Variants in TMTC2 observed in about 807,000 individuals in gnomAD.
The protein encoded by TMTC2 is transmembrane O-mannosyltransferase targeting cadherins 2.
A neutral mutation model predicts 82.4 loss-of-function variants in TMTC2; 43 were observed. The observed-to-expected ratio is 0.52, with a 90% CI of 0.41 to 0.67. TMTC2 has a LOEUF of 0.67. Ranked by LOEUF, TMTC2 falls within the 30% of genes least tolerant of loss-of-function variation. The probability of loss-of-function intolerance (pLI) is 0.00; values close to 1 mark genes in which losing one functional copy is unlikely to be tolerated. For synonymous variants in TMTC2, 408 were observed against 381.9 expected (o/e 1.07, Z -0.80); for missense variants, 919 against 1,012.4 (o/e 0.91, Z 1.25).
At chr12:82,966,199 CTCTTAAT>C (rs1878200295) in intron 6 of TMTC2, among the ~76,000 whole-genome samples, 1 of 152,062 alleles carries the variant, frequency 6.6e-6, no homozygotes, top group Non-Finnish European at 1.5e-5. Flanking sequence ...CCACCCATTT[CTCTTAAT>C]TCTTTAAAAA....
At chr12:83,107,979 G>T (rs1008737152) in intron 11 of TMTC2, among the ~76,000 whole-genome samples, 3 of 152,030 alleles carry the variant, frequency 2.0e-5, no homozygotes, top group African/African-American at 7.3e-5. Context: ...CAGGAAATAT[G>T]GTTGTTTAAA....
At chr12:82,793,289 C>T (rs1382333028) in intron 1 of TMTC2, among the ~76,000 whole-genome samples, 2 of 151,316 alleles carry the variant, frequency 1.3e-5, no homozygotes, top group Non-Finnish European at 2.9e-5. Context: ...TAATACTTTT[C>T]GTCGTGCTTT....
In TMTC2 at chr12:83,071,159, TTG is replaced by T. The variant is rs1161002753; in HGVS notation, c.2331+9330_2331+9331del. Among the ~76,000 whole-genome samples, 1,158 of 116,856 alleles carry T rather than the reference TTG, an allele frequency of 9.9e-3. 16 individuals are homozygous for T. The highest frequency in any genetic ancestry group is 0.038 in the African/African-American group (1,086 of 28,652). 76.7% of individuals were successfully genotyped at this position (116,856 alleles called of 152,430 possible). A position where few individuals can be genotyped will look rare whatever the true frequency, so the allele number is the denominator to read the frequency against. On this transcript the variant is annotated intron_variant, in intron 11 of 11. Coordinates refer to ENST00000321196, the MANE Select transcript of TMTC2 (RefSeq NM_152588.3). ...TATTGGTCTGTAGTTGTTTTTTTTT[TTG>T]TTTTTTTTTTTGAGACGGAGTCTCG...
intron 1 of TMTC2, among the ~76,000 whole-genome samples, chr12:82,818,966 G>A (rs1247407645): frequency 1.3e-5 from 2 of 151,730 alleles, no homozygotes; most frequent in Non-Finnish European, 2.9e-5. Flanking sequence ...TTAAATTTTG[G>A]TGTGAAAAGA....
chr12:82,776,777 A>G (rs1312310729), intron 1 of TMTC2, among the ~76,000 whole-genome samples: 1 of 152,092 alleles, frequency 6.6e-6, no homozygotes, highest in Non-Finnish European at 1.5e-5. Context: ...GTCTCAAAAC[A>G]AAAACATTAC....
rs938057938 is a variant in TMTC2, at chr12:82,791,697, T to G, written c.84-65313T>G. Among the ~76,000 whole-genome samples the G allele has an allele frequency of 2.2e-4, 34 of 152,120 alleles. 1 individual carries two copies. The highest frequency in any genetic ancestry group is 1.3e-4 in the Admixed American group (2 of 15,262). On this transcript the variant is annotated intron_variant, in intron 1 of 11. Coordinates refer to ENST00000321196, the MANE Select transcript of TMTC2 (RefSeq NM_152588.3). ...GTCACTGAACCAGCAGCATCAACAT[T>G]GTTGGTAAATGTTTAGTAATGTAAA...
chr12:83,027,026 A>G (rs1881213015), intron 8 of TMTC2, among the ~76,000 whole-genome samples: 1 of 152,142 alleles, frequency 6.6e-6, no homozygotes, highest in Admixed American at 6.6e-5. Context: ...CCTAATTGGG[A>G]TGGTGGTTTT....
chr12:82,989,280 G>C (rs1019417461), intron 8 of TMTC2, among the ~76,000 whole-genome samples: 1 of 151,970 alleles, frequency 6.6e-6, no homozygotes, highest in African/African-American at 2.4e-5. Context: ...GGTCCAAATG[G>C]CAGAGAAAGA....
intron 1 of TMTC2, among the ~76,000 whole-genome samples, chr12:82,819,609 C>T (rs1030070395): frequency 6.7e-6 from 1 of 148,860 alleles, no homozygotes; most frequent in African/African-American, 2.5e-5. Context: ...CCAAGCGATT[C>T]TCCTGCCTCA....
At chr12:82,724,502 G>A (rs912853050) in intron 1 of TMTC2, among the ~76,000 whole-genome samples, 6 of 152,110 alleles carry the variant, frequency 3.9e-5, no homozygotes, top group African/African-American at 1.2e-4. Flanking sequence ...GTTCCCCTGC[G>A]CTCTCTCTCT....
chr12:82,920,009 A>G (rs1359204869), intron 3 of TMTC2, among the ~76,000 whole-genome samples: 2 of 152,160 alleles, frequency 1.3e-5, no homozygotes, highest in Non-Finnish European at 2.9e-5. Flanking sequence ...TGCAGTTCCA[A>G]AGCTGCTTCC....
chr12:82,872,435 T>C (rs1007009184), intron 2 of TMTC2, among the ~76,000 whole-genome samples: 2 of 152,224 alleles, frequency 1.3e-5, no homozygotes, highest in Non-Finnish European at 2.9e-5. Flanking sequence ...ATTATTCGGA[T>C]TCAATTGACA....
chr12:82,894,621 C>A (rs1281193765), intron 2 of TMTC2, among the ~76,000 whole-genome samples: 1 of 152,038 alleles, frequency 6.6e-6, no homozygotes, highest in African/African-American at 2.4e-5. Flanking sequence ...ATATGGTGCC[C>A]ATTTTAACCC....
chr12:82,706,355 G>T (rs1873357362), intron 1 of TMTC2, among the ~76,000 whole-genome samples: 1 of 151,008 alleles, frequency 6.6e-6, no homozygotes, highest in African/African-American at 2.4e-5. Flanking sequence ...ATGAGAGAGA[G>T]GAATATTTCA....
chr12:83,105,075 A>G (rs771591306), intron 11 of TMTC2, among the ~76,000 whole-genome samples: 3 of 152,264 alleles, frequency 2.0e-5, no homozygotes, highest in East Asian at 1.9e-4. Context: ...CATCATAACA[A>G]TGGTGACCTT....
chr12:82,838,038 T>C (rs61929556), intron 1 of TMTC2, among the ~76,000 whole-genome samples: 257 of 152,306 alleles, frequency 1.7e-3, no homozygotes, highest in Non-Finnish European at 3.2e-3. Context: ...ACACATAATG[T>C]ATATAAAAAA....
chr12:82,876,049 TGG>T (rs1872499053), intron 2 of TMTC2, among the ~76,000 whole-genome samples: 3 of 117,868 alleles, frequency 2.5e-5, no homozygotes, highest in African/African-American at 1.0e-4. Flanking sequence ...GTGGTGGTGG[TGG>T]TGGTGGTGGT....
chr12:83,091,847 C>G (rs184699492), intron 11 of TMTC2, among the ~76,000 whole-genome samples: 1 of 152,240 alleles, frequency 6.6e-6, no homozygotes, highest in East Asian at 1.9e-4. Context: ...GGAATTTATT[C>G]TTTTATGGTT....
At chr12:82,761,404 G>T (rs1876624984) in intron 1 of TMTC2, among the ~76,000 whole-genome samples, 1 of 152,216 alleles carries the variant, frequency 6.6e-6, no homozygotes, top group South Asian at 2.1e-4. Flanking sequence ...TGAGTACAGT[G>T]TCAGTTGGGA....
Sources: allele counts gnomAD v4.1 joint callset (sites outside exome capture counted in the v4.1 genomes callset), GRCh38; gene constraint gnomAD v4.1.1; transcripts MANE v1.5; gene names NCBI Gene and HGNC (gene_info 2026-07-23, HGNC 2026-07-21).